Variants in LRGUK observed in about 807,000 individuals in gnomAD.
The protein encoded by LRGUK is leucine rich repeats and guanylate kinase domain containing, also known as leucine-rich repeat and guanylate kinase domain-containing protein.
LRGUK carries 65 observed loss-of-function variants against 76.0 expected under a neutral mutation model. The observed-to-expected ratio is 0.85, with a 90% CI of 0.70 to 1.05. The LOEUF (loss-of-function observed/expected upper bound fraction) is 1.05. Ranked by LOEUF, LRGUK falls within the 50% of genes least tolerant of loss-of-function variation. LRGUK has a pLI of 0.00. For synonymous variants in LRGUK, 268 were observed against 265.6 expected (o/e 1.01, Z -0.09); for missense variants, 758 against 732.8 (o/e 1.03, Z -0.40).
At chr7:134,209,740 A>G (rs980129704) in exon 16 of LRGUK, 3 of 399,670 alleles carry the variant, frequency 7.5e-6, no homozygotes, top group Admixed American at 4.4e-5. Context: ...ACTCAAAACC[A>G]CCACCAAATC....
At chr7:134,162,565 G>A (rs1010988657) in intron 6 of LRGUK, among the ~76,000 whole-genome samples, 5 of 152,136 alleles carry the variant, frequency 3.3e-5, no homozygotes, top group Admixed American at 2.0e-4. Flanking sequence ...AGTGGCTCAC[G>A]CCAGTGATCC....
chr7:134,205,097 G>A (rs542289550), intron 15 of LRGUK, among the ~76,000 whole-genome samples: 9 of 152,284 alleles, frequency 5.9e-5, no homozygotes, highest in Admixed American at 3.9e-4. Flanking sequence ...CGCTGCTGGC[G>A]GGGGTGGCCA....
rs558142002 is a variant in LRGUK, at chr7:134,225,256, G to T, written c.1983+3338G>T. ...GAGGATAAAAAGGCAGTGTGAGAGT[G>T]GAAGGGGCCACCCTGGTGATGATTG... On this transcript the variant is annotated intron_variant, in intron 16 of 19. Transcript: ENST00000285928. Among the ~76,000 whole-genome samples, 3 of 152,180 alleles carry T rather than the reference G, an allele frequency of 2.0e-5. No homozygotes were observed. The East Asian group carries it at 5.8e-4, about 29-fold the overall frequency.
chr7:134,163,002 A>T (rs1317407637), intron 6 of LRGUK, among the ~76,000 whole-genome samples: 1 of 152,124 alleles, frequency 6.6e-6, no homozygotes, highest in East Asian at 1.9e-4. Flanking sequence ...TATAATAGTC[A>T]AGTGGCTTCT....
intron 16 of LRGUK, among the ~76,000 whole-genome samples, chr7:134,232,572 CA>C (rs1801928690): frequency 6.6e-6 from 1 of 152,148 alleles, no homozygotes; most frequent in Non-Finnish European, 1.5e-5. Context: ...GCCACCGCAC[CA>C]GGCCCTTTAT....
At chr7:134,274,379 A>G in the LRGUK span, among the ~76,000 whole-genome samples, 1 of 152,176 alleles carries the variant, frequency 6.6e-6, no homozygotes, top group Non-Finnish European at 1.5e-5. Flanking sequence ...ATATTTCTAA[A>G]TTTTATTGAT....
chr7:134,265,736 C>T (rs932105228), downstream of LRGUK, among the ~76,000 whole-genome samples: 1 of 152,194 alleles, frequency 6.6e-6, no homozygotes, highest in East Asian at 1.9e-4. Flanking sequence ...AGGACTTTAA[C>T]CACTGCCCAA....
At chr7:134,161,921 T>G (rs1280303964) in intron 6 of LRGUK, among the ~76,000 whole-genome samples, 2 of 152,276 alleles carry the variant, frequency 1.3e-5, no homozygotes, top group East Asian at 3.9e-4. Flanking sequence ...CTCGATCTCC[T>G]GACCTCGTGA....
chr7:134,234,365 G>T (rs1047399406), intron 16 of LRGUK, among the ~76,000 whole-genome samples: 5 of 151,908 alleles, frequency 3.3e-5, no homozygotes, highest in Non-Finnish European at 5.9e-5. Context: ...TTGTCTGACC[G>T]CCTGCATGGC....
chr7:134,213,064 G>A (rs1801335718), downstream of LRGUK, among the ~76,000 whole-genome samples: 2 of 152,186 alleles, frequency 1.3e-5, no homozygotes, highest in Admixed American at 1.3e-4. Flanking sequence ...GAGAGGGGAA[G>A]TTTTCTTAGA....
intron 11 of LRGUK, among the ~76,000 whole-genome samples, chr7:134,185,591 C>G (rs1328333232): frequency 6.6e-6 from 1 of 151,540 alleles, no homozygotes; most frequent in Non-Finnish European, 1.5e-5. Context: ...TGTCTGTCAT[C>G]TCTTAAACTG....
chr7:134,212,745 G>A (rs2117133614), downstream of LRGUK, among the ~76,000 whole-genome samples: 1 of 152,306 alleles, frequency 6.6e-6, no homozygotes, highest in South Asian at 2.1e-4. Context: ...GACAGTGATG[G>A]TTGCTAGATA....
intron 7 of LRGUK, among the ~76,000 whole-genome samples, 169 bp from the exon 8 acceptor site, chr7:134,174,387 A>G (rs1799395005): frequency 6.6e-6 from 1 of 152,224 alleles, no homozygotes; most frequent in Non-Finnish European, 1.5e-5. Context: ...GGGGTATGCA[A>G]TAATTCCCTT....
intron 7 of LRGUK, among the ~76,000 whole-genome samples, chr7:134,170,300 T>C (rs996477157): frequency 3.9e-5 from 6 of 152,126 alleles, no homozygotes; most frequent in South Asian, 4.1e-4. Flanking sequence ...TTATTATTTT[T>C]AAAATTTTTA....
chr7:134,223,511 A>G (rs1801655923), intron 16 of LRGUK, among the ~76,000 whole-genome samples: 1 of 152,192 alleles, frequency 6.6e-6, no homozygotes, highest in Non-Finnish European at 1.5e-5. Flanking sequence ...AGTCATATTT[A>G]TCCAAAATCA....
At chr7:134,270,155 GATA>G in the LRGUK span, among the ~76,000 whole-genome samples, 2 of 152,240 alleles carry the variant, frequency 1.3e-5, no homozygotes, top group Admixed American at 6.5e-5. Flanking sequence ...CTTATCTGCA[GATA>G]ATATTATGAT....
rs533510257 is a variant in LRGUK, at chr7:134,142,664, T to C, written c.488-398T>C. Among the ~76,000 whole-genome samples the C allele has an allele frequency of 3.3e-5, 5 of 152,368 alleles. No homozygotes were observed. The East Asian group carries it at 9.6e-4, about 29-fold the overall frequency. ...TATGAAAAGATCTAATTTAGTTATT[T>C]AGGGGCTAATTATCAAGAGGATTAT... On this transcript the variant is annotated intron_variant, in intron 3 of 15. Transcript: ENST00000645682.
chr7:134,226,381 C>A (rs117944557), intron 16 of LRGUK, among the ~76,000 whole-genome samples: 2 of 152,028 alleles, frequency 1.3e-5, no homozygotes, highest in African/African-American at 4.8e-5. Flanking sequence ...TTCTCTATAC[C>A]GCCTCTGTAA....
chr7:134,206,606 G>A (rs1022869287), intron 15 of LRGUK, among the ~76,000 whole-genome samples: 2 of 151,210 alleles, frequency 1.3e-5, no homozygotes, highest in African/African-American at 2.4e-5. Flanking sequence ...ATATAGAATT[G>A]TCTTATTTTC....
Sources: allele counts gnomAD v4.1 joint callset (sites outside exome capture counted in the v4.1 genomes callset), GRCh38; gene constraint gnomAD v4.1.1; transcripts MANE v1.5; gene names NCBI Gene and HGNC (gene_info 2026-07-23, HGNC 2026-07-21).